The following SLC44A5 variants were observed in gnomAD, a reference collection of about 807,000 sequenced individuals.
SLC44A5 encodes the protein solute carrier family 44 member 5, also known as choline transporter-like protein 5.
SLC44A5 carries 57 observed loss-of-function variants against 101.8 expected under a neutral mutation model. That is an observed-to-expected ratio of 0.56 (90% CI 0.45 to 0.70). The LOEUF is 0.70. SLC44A5 is among the 30% of genes least tolerant of loss of function. The pLI is 0.00. For missense variants in SLC44A5, 737 were observed against 853.1 expected (o/e 0.86, Z 1.70); for synonymous variants, 281 against 290.9 (o/e 0.97, Z 0.35).
chr1:75,203,682 T>TC lies in SLC44A5; in HGVS notation c.*44_*45insG. ...ACAAATGTTGCACAGACACAGCAGA[T>TC]GGAGAAAAGGTAACACACAGCTGTA... On this transcript the variant is annotated 3_prime_UTR_variant, in exon 24 of 24. Coordinates refer to ENST00000370859, the MANE Select transcript of SLC44A5 (RefSeq NM_001130058.2). 6.6e-7 allele frequency: 1 copy of TC among 1,520,024 alleles called. No homozygotes were observed. Among genetic ancestry groups the TC allele is most frequent in the South Asian group, 1.3e-5 (1 of 78,938 alleles). The allele number at this position is 1,520,024 out of a possible 1,614,324, so 94.2% of individuals were successfully genotyped here.
At chr1:75,582,631 G>T (rs1673763301) in intron 1 of SLC44A5, 1 of 244,114 alleles carries the variant, frequency 4.1e-6, no homozygotes, top group Non-Finnish European at 7.8e-6. Flanking sequence ...GTCTGCATAG[G>T]GCTGGTGTCC....
In SLC44A5 at chr1:75,522,528, C is replaced by G. The variant is rs1179507387; in HGVS notation, c.13+18907G>C. ...CCCTGCCAGATTCTTTTTCCCACCC[C>G]CTCATCTCTCAGGCATCAACTGGCA... On this transcript the variant is annotated intron_variant, in intron 2 of 23. Coordinates refer to ENST00000370859, the MANE Select transcript of SLC44A5 (RefSeq NM_001130058.2). Among the ~76,000 whole-genome samples, 24 of 152,042 alleles carry G rather than the reference C, an allele frequency of 1.6e-4. 1 individual carries two copies. The highest frequency in any genetic ancestry group is 1.4e-3 in the Admixed American group (22 of 15,282).
chr1:75,457,748 T>A (rs1666267362), intron 2 of SLC44A5, among the ~76,000 whole-genome samples: 1 of 151,730 alleles, frequency 6.6e-6, no homozygotes. Flanking sequence ...ATCCAGCTAC[T>A]AGGGAGGCTG....
chr1:75,722,821 C>G, the SLC44A5 span, among the ~76,000 whole-genome samples: 2 of 152,212 alleles, frequency 1.3e-5, no homozygotes, highest in African/African-American at 4.8e-5. Context: ...ACTGCTGTAA[C>G]GATGGTCTCA....
intron 2 of SLC44A5, among the ~76,000 whole-genome samples, chr1:75,521,405 C>T (rs1670116753): frequency 1.3e-5 from 2 of 152,182 alleles, no homozygotes; most frequent in Non-Finnish European, 2.9e-5. Flanking sequence ...AAAATCACAA[C>T]TTCTTCAGGT....
At chr1:75,435,925 TA>T (rs1461695053) in intron 2 of SLC44A5, among the ~76,000 whole-genome samples, 4 of 151,960 alleles carry the variant, frequency 2.6e-5, no homozygotes, top group Admixed American at 2.6e-4. Context: ...CAACCTGATC[TA>T]AAAAACATTT....
intron 2 of SLC44A5, among the ~76,000 whole-genome samples, chr1:75,396,984 G>A (rs1662166810): frequency 6.6e-6 from 1 of 152,102 alleles, no homozygotes; most frequent in African/African-American, 2.4e-5. Context: ...TTCATTTTCT[G>A]TTCCTGCTTT....
chr1:75,451,476 G>A (rs1665905533), intron 2 of SLC44A5, among the ~76,000 whole-genome samples: 1 of 151,932 alleles, frequency 6.6e-6, no homozygotes, highest in South Asian at 2.1e-4. Context: ...AGGAAGGGAA[G>A]GGATAGGAAA....
intron 1 of SLC44A5, among the ~76,000 whole-genome samples, chr1:75,551,422 T>G: frequency 6.6e-6 from 1 of 152,152 alleles, no homozygotes; most frequent in East Asian, 1.9e-4. Context: ...AATTTTATGC[T>G]TTCTTGGGAT....
chr1:75,218,184 A>G (rs1180737750), intron 17 of SLC44A5, among the ~76,000 whole-genome samples: 1 of 152,142 alleles, frequency 6.6e-6, no homozygotes, highest in Non-Finnish European at 1.5e-5. Context: ...GTCTATCATC[A>G]TAAAATAGGA....
At chr1:75,347,489 GC>G (rs1348768230) in intron 3 of SLC44A5, among the ~76,000 whole-genome samples, 1 of 152,100 alleles carries the variant, frequency 6.6e-6, no homozygotes, top group Non-Finnish European at 1.5e-5. Context: ...GGGTAATTGA[GC>G]AAAAATGGTG....
chr1:75,577,985 T>C (rs1557927254), intron 1 of SLC44A5, among the ~76,000 whole-genome samples: 1 of 152,182 alleles, frequency 6.6e-6, no homozygotes, highest in East Asian at 1.9e-4. Flanking sequence ...GTTTGTTTCT[T>C]AATGTTTCAC....
intron 1 of SLC44A5, among the ~76,000 whole-genome samples, chr1:75,588,013 A>C (rs1345669561): frequency 1.3e-5 from 2 of 152,206 alleles, no homozygotes; most frequent in African/African-American, 4.8e-5. Flanking sequence ...ACCAGAAGGC[A>C]AATCTGGTCA....
chr1:75,421,549 G>A (rs1237252244), intron 2 of SLC44A5, among the ~76,000 whole-genome samples: 3 of 152,112 alleles, frequency 2.0e-5, no homozygotes, highest in Non-Finnish European at 4.4e-5. Flanking sequence ...TCATTTTGCT[G>A]AATGCATAGA....
the SLC44A5 span, chr1:75,677,866 A>T: frequency 4.3e-5 from 15 of 348,412 alleles, no homozygotes; most frequent in East Asian, 1.3e-3. Context: ...TCATCTCACT[A>T]GGGAGTGCCA....
chr1:75,335,991 G>A (rs538392124), intron 4 of SLC44A5, among the ~76,000 whole-genome samples: 1 of 152,038 alleles, frequency 6.6e-6, no homozygotes, highest in Admixed American at 6.5e-5. Flanking sequence ...ATGCTTGTGG[G>A]GTCTTGTCAT....
intron 12 of SLC44A5, 116 bp from the exon 13 acceptor site, chr1:75,227,973 G>T: frequency 1.3e-6 from 1 of 750,232 alleles, no homozygotes; most frequent in Non-Finnish European, 2.0e-6. Context: ...TTCTGCAAAG[G>T]CAAGACACAT....
intron 2 of SLC44A5, among the ~76,000 whole-genome samples, chr1:75,533,604 C>T (rs1670838366): frequency 1.3e-5 from 2 of 152,170 alleles, no homozygotes; most frequent in South Asian, 4.1e-4. Context: ...TTGTGTCCAA[C>T]CTCAGACTGA....
intron 3 of SLC44A5, among the ~76,000 whole-genome samples, chr1:75,390,572 G>A (rs1022942275): frequency 6.6e-6 from 1 of 152,062 alleles, no homozygotes; most frequent in African/African-American, 2.4e-5. Flanking sequence ...AAGACCATAT[G>A]ATCATCTCAA....
Sources: allele counts gnomAD v4.1 joint callset (sites outside exome capture counted in the v4.1 genomes callset), GRCh38; gene constraint gnomAD v4.1.1; transcripts MANE v1.5; gene names NCBI Gene and HGNC (gene_info 2026-07-23, HGNC 2026-07-21).